NDFIP1: variants seen among roughly 807,000 people sequenced by gnomAD.
NDFIP1 encodes the protein Nedd4 family interacting protein 1, also known as NEDD4 family-interacting protein 1.
A neutral mutation model predicts 28.8 loss-of-function variants in NDFIP1; 7 were observed. The ratio of observed to expected loss-of-function variants is 0.24; its 90% CI spans 0.14 to 0.46. The LOEUF is 0.46. Among genes scored for constraint, NDFIP1 ranks in the 20% least tolerant of loss-of-function variants. The pLI, the probability that NDFIP1 is intolerant of heterozygous loss-of-function variation, is 0.99. For synonymous variants in NDFIP1, 92 were observed against 101.0 expected, an observed-to-expected ratio of 0.91 and a Z score of 0.53; for missense variants, 194 against 269.1, an observed-to-expected ratio of 0.72 and a Z score of 1.95.
rs1596799157 is a variant in NDFIP1 at position 142,154,015 on chromosome 5, T to C, written c.*2287T>C. On this transcript the variant is annotated 3_prime_UTR_variant, in exon 8 of 8. Coordinates refer to ENST00000253814, the MANE Select transcript of NDFIP1 (RefSeq NM_030571.4). ...CGTTTAAATGTTCTGAAAATTAAAA[T>C]CTTTTGAGGCACATGAAGTGGGCAC... is the stretch of plus-strand genomic sequence containing the variant. The C allele has an allele frequency of 6.6e-6, 1 of 152,586 alleles. No individual in the cohort carries two copies. Among genetic ancestry groups the C allele is most frequent in the African/African-American group, 2.4e-5 (1 of 41,582 alleles). The allele number at this position is 152,586 out of a possible 1,614,324, so 9.5% of individuals were successfully genotyped here. A position where few individuals can be genotyped will look rare whatever the true frequency, so the allele number is the denominator to read the frequency against.
chr5:142,138,006 AC>A, intron 5 of NDFIP1, 148 bp downstream of exon 5: 4 of 973,164 alleles, frequency 4.1e-6, no homozygotes, highest in Non-Finnish European at 5.8e-6. Context: ...ATGAAGCTGA[AC>A]CAAAATCATT....
chr5:142,137,268 C>A (rs1018986487), intron 4 of NDFIP1, among the ~76,000 whole-genome samples: 1 of 152,006 alleles, frequency 6.6e-6, no homozygotes, highest in Admixed American at 6.6e-5. Flanking sequence ...TCAAGTGATC[C>A]CCCCACCTCA....
intron 1 of NDFIP1, among the ~76,000 whole-genome samples, chr5:142,129,092 G>C (rs1055809908): frequency 6.6e-6 from 1 of 152,188 alleles, no homozygotes; most frequent in African/African-American, 2.4e-5. Context: ...TATAAAACGG[G>C]TTAAGTATAA....
chr5:142,151,485 T>C (rs1437168421), intron 7 of NDFIP1, among the ~76,000 whole-genome samples: 4 of 152,242 alleles, frequency 2.6e-5, no homozygotes, highest in African/African-American at 7.2e-5. Context: ...AAAGAGAGAC[T>C]CCTGACTTCA....
chr5:142,130,776 T>C (rs1757219644), intron 1 of NDFIP1, among the ~76,000 whole-genome samples: 1 of 151,976 alleles, frequency 6.6e-6, no homozygotes, highest in Non-Finnish European at 1.5e-5. Context: ...AAGGAAAAAT[T>C]CCCCTGTACT....
intron 6 of NDFIP1, chr5:142,143,671 A>T (rs1383031136): frequency 1.3e-5 from 2 of 152,268 alleles, no homozygotes; most frequent in African/African-American, 4.8e-5. Flanking sequence ...GAATGTATAG[A>T]TTCTGGTGTA....
At chr5:142,119,942 C>T (rs1757105918) in intron 1 of NDFIP1, among the ~76,000 whole-genome samples, 1 of 152,128 alleles carries the variant, frequency 6.6e-6, no homozygotes, top group Non-Finnish European at 1.5e-5. Flanking sequence ...GATTTAGCTA[C>T]TTGTTGTCAA....
intron 1 of NDFIP1, among the ~76,000 whole-genome samples, chr5:142,124,797 CT>C (rs1046768019): frequency 2.0e-5 from 3 of 150,310 alleles, no homozygotes; most frequent in African/African-American, 2.4e-5. Context: ...TTTTTCTTTT[CT>C]TTTTTTTGGC....
chr5:142,136,558 C>G (rs914856436), intron 4 of NDFIP1, among the ~76,000 whole-genome samples: 4 of 149,892 alleles, frequency 2.7e-5, no homozygotes, highest in African/African-American at 9.7e-5. Flanking sequence ...AGTTCGAGAC[C>G]AGCCTGGCCA....
At chr5:142,115,461 T>A (rs1216552936) in intron 1 of NDFIP1, among the ~76,000 whole-genome samples, 1 of 152,008 alleles carries the variant, frequency 6.6e-6, no homozygotes, top group Non-Finnish European at 1.5e-5. Flanking sequence ...TTTTTTGTAT[T>A]TTTCGTAGAG....
At chr5:142,124,945 C>A (rs1360315253) in intron 1 of NDFIP1, among the ~76,000 whole-genome samples, 5 of 152,160 alleles carry the variant, frequency 3.3e-5, no homozygotes, top group Non-Finnish European at 7.3e-5. Flanking sequence ...CCTGCCTCAG[C>A]CTCCCAAGTA....
Position 142,144,652 on chromosome 5 carries a change from C to G in NDFIP1, c.644C>G (p.Thr215Ser), listed in dbSNP as rs1286010106. The G allele has an allele frequency of 6.2e-7, 1 of 1,609,246 alleles. No individual in the cohort carries two copies. The highest frequency in any genetic ancestry group is 8.5e-7 in the Non-Finnish European group (1 of 1,177,170). ...GAAACTTTCTCAAATCTCCCCAGGA[C>G]CAGAGTTCTCTTTATTTATTAAAGG... ...MPETFSNLPR[T>S]RVLFIY Residue 215 changes from threonine (T) to serine (S), a missense_variant, in exon 7 of 8, where the codon ACC (threonine) becomes AGC (serine). Transcript: ENST00000253814.
intron 6 of NDFIP1, among the ~76,000 whole-genome samples, 190 bp downstream of exon 6, chr5:142,140,819 A>G (rs1375227083): frequency 6.6e-6 from 1 of 152,202 alleles, no homozygotes; most frequent in African/African-American, 2.4e-5. Context: ...CACGTTAATA[A>G]AAAGTTTCTT....
intron 3 of NDFIP1, among the ~76,000 whole-genome samples, chr5:142,133,216 A>G (rs1223127053): frequency 6.6e-6 from 1 of 152,240 alleles, no homozygotes; most frequent in Non-Finnish European, 1.5e-5. Context: ...GAAATAGTTT[A>G]TGAGCCCAAT....
intron 3 of NDFIP1, among the ~76,000 whole-genome samples, chr5:142,134,537 A>G (rs1035937356): frequency 1.2e-4 from 19 of 152,206 alleles, no homozygotes; most frequent in Admixed American, 1.2e-3. Context: ...CCCTTTCTCT[A>G]GTTCCCACTC....
intron 1 of NDFIP1, among the ~76,000 whole-genome samples, chr5:142,109,996 AT>A (rs1264102502): frequency 6.6e-6 from 1 of 152,216 alleles, no homozygotes; most frequent in Admixed American, 6.5e-5. Flanking sequence ...ACAGATGTCA[AT>A]CCTCCTTTTA....
At position 142,145,677 on chromosome 5, in the gene NDFIP1, T is replaced by G. The variant is rs186771310; in HGVS notation, c.*2+1001T>G. Among the ~76,000 whole-genome samples, 49 of 152,230 alleles carry G rather than the reference T, an allele frequency of 3.2e-4. 1 individual carries two copies. The highest frequency in any genetic ancestry group is 1.2e-3 in the African/African-American group (48 of 41,540). On this transcript the variant is annotated intron_variant, in intron 7 of 7. Coordinates refer to ENST00000253814, the MANE Select transcript of NDFIP1 (RefSeq NM_030571.4). ...GGAAGTATGGGGCTTGTTCAGAGGA[T>G]AGCAGCTTGATTGGGGCATAAAGGA...
At chr5:142,149,436 T>TC (rs2126924870) in intron 7 of NDFIP1, among the ~76,000 whole-genome samples, 2 of 146,784 alleles carry the variant, frequency 1.4e-5, no homozygotes, top group South Asian at 4.3e-4. Context: ...TTGGATTCCT[T>TC]TTTTTTTTTT....
chr5:142,122,156 G>T (rs563875404), intron 1 of NDFIP1, among the ~76,000 whole-genome samples: 1 of 152,300 alleles, frequency 6.6e-6, no homozygotes, highest in Non-Finnish European at 1.5e-5. Flanking sequence ...AAACAGCATT[G>T]CCAGCACTCC....
Sources: gnomAD v4.1 joint callset for allele counts (sites outside exome capture counted in the v4.1 genomes callset) on GRCh38, gnomAD v4.1.1 for gene constraint, MANE v1.5 for transcripts, NCBI Gene and HGNC (gene_info 2026-07-23, HGNC 2026-07-21) for gene names.